Variants in SUMF1 observed in about 807,000 individuals in gnomAD.
SUMF1 encodes the protein sulfatase modifying factor 1.
In SUMF1, 48 loss-of-function variants were observed where a neutral mutation model predicts 47.6. The observed-to-expected ratio is 1.01, with a 90% CI of 0.80 to 1.28. SUMF1 has a LOEUF of 1.28. Ranked by LOEUF, SUMF1 falls within the 50% of genes most tolerant of loss-of-function variation. SUMF1 has a pLI of 0.00. For missense variants in SUMF1, 571 were observed against 485.4 expected, an observed-to-expected ratio of 1.18 and a Z score of -1.66; for synonymous variants, 230 against 192.1, an observed-to-expected ratio of 1.20 and a Z score of -1.63.
At chr3:4,054,742 A>C (rs549069658) in intron 9 of SUMF1, among the ~76,000 whole-genome samples, 88 of 152,294 alleles carry the variant, frequency 5.8e-4, no homozygotes, top group African/African-American at 2.0e-3. Flanking sequence ...GAAACTGATA[A>C]ATAAACAACT....
intron 8 of SUMF1, 86 bp downstream of exon 8, chr3:4,376,244 G>A (rs1700323312): frequency 1.3e-6 from 2 of 1,490,662 alleles, no homozygotes; most frequent in Admixed American, 1.7e-5. Flanking sequence ...AGAAGTGAAT[G>A]AGACATTTGG....
chr3:4,210,605 T>A (rs1348395028), intron 8 of SUMF1, among the ~76,000 whole-genome samples: 1 of 152,156 alleles, frequency 6.6e-6, no homozygotes, highest in Non-Finnish European at 1.5e-5. Flanking sequence ...AATTCCACAA[T>A]GCACAAAAAT....
intron 1 of SUMF1, among the ~76,000 whole-genome samples, chr3:4,460,621 TGTGA>T (rs2079786884): frequency 2.0e-5 from 3 of 148,014 alleles, no homozygotes; most frequent in African/African-American, 7.6e-5. Context: ...TGTGTGTGTG[TGTGA>T]GAGTGTGTGT....
intron 8 of SUMF1, among the ~76,000 whole-genome samples, chr3:4,086,226 A>C (rs1398997267): frequency 2.6e-5 from 4 of 152,000 alleles, no homozygotes; most frequent in African/African-American, 7.3e-5. Flanking sequence ...AAAAAAAAAA[A>C]AAACAGAATT....
chr3:4,160,998 G>A (rs1373275170), intron 8 of SUMF1, among the ~76,000 whole-genome samples: 2 of 152,072 alleles, frequency 1.3e-5, no homozygotes, highest in Non-Finnish European at 2.9e-5. Flanking sequence ...AAAGAAATTG[G>A]GTATTGTGAT....
intron 8 of SUMF1, among the ~76,000 whole-genome samples, chr3:4,094,940 G>A (rs1481197172): frequency 6.6e-6 from 1 of 152,064 alleles, no homozygotes; most frequent in Admixed American, 6.5e-5. Context: ...GCATCTCATG[G>A]AACCAGTGTT....
chr3:4,372,272 G>T (rs1700192509), intron 8 of SUMF1, among the ~76,000 whole-genome samples: 1 of 152,072 alleles, frequency 6.6e-6, no homozygotes, highest in Admixed American at 6.5e-5. Flanking sequence ...CTGCACTCCA[G>T]CCTGGGTCAC....
At chr3:4,376,607 C>T (rs1700338762) in intron 7 of SUMF1, among the ~76,000 whole-genome samples, 2 of 152,230 alleles carry the variant, frequency 1.3e-5, no homozygotes, top group African/African-American at 4.8e-5. Flanking sequence ...CAAGTTTCCA[C>T]TCTTTGGTGA....
At chr3:4,438,636 A>G (rs1205687991) in intron 3 of SUMF1, among the ~76,000 whole-genome samples, 1 of 152,200 alleles carries the variant, frequency 6.6e-6, no homozygotes, top group East Asian at 1.9e-4. Context: ...GCTTAGTAAC[A>G]TAGCTTTAAT....
In SUMF1 at chr3:4,228,854, C is replaced by A. The variant is rs142891093; in HGVS notation, c.1014+147476G>T. ...CTAGATGTCAGGCACCAAGAGGAGCCCCTCCATCCTTTGTCTCATAAACCT... is the reference window on the plus strand; with the variant it reads ...CTAGATGTCAGGCACCAAGAGGAGCACCTCCATCCTTTGTCTCATAAACCT... On this transcript the variant is annotated intron_variant and NMD_transcript_variant, in intron 8 of 12. Coordinates refer to the SUMF1 transcript ENST00000448413. Among the ~76,000 whole-genome samples the A allele has an allele frequency of 3.3e-3, 496 of 152,106 alleles. 2 individuals are homozygous for A. The highest frequency in any genetic ancestry group is 0.011 in the African/African-American group (462 of 41,504).
intron 8 of SUMF1, among the ~76,000 whole-genome samples, chr3:4,281,925 C>T (rs2125046601): frequency 6.6e-6 from 1 of 152,076 alleles, no homozygotes; most frequent in Middle Eastern, 3.4e-3. Context: ...AAAAAGATTT[C>T]AGAAAGAAAG....
At chr3:4,330,515 C>G (rs747820886) in intron 8 of SUMF1, among the ~76,000 whole-genome samples, 1 of 152,144 alleles carries the variant, frequency 6.6e-6, no homozygotes, top group Non-Finnish European at 1.5e-5. Flanking sequence ...TCAGATCTCA[C>G]GAGACTTATT....
At chr3:4,431,469 G>C (rs1276677531) in intron 3 of SUMF1, among the ~76,000 whole-genome samples, 2 of 152,208 alleles carry the variant, frequency 1.3e-5, no homozygotes, top group Non-Finnish European at 2.9e-5. Flanking sequence ...CACTGAGAGA[G>C]AAACCACCCA....
At chr3:4,157,331 T>G (rs749480703) in intron 8 of SUMF1, among the ~76,000 whole-genome samples, 6 of 151,496 alleles carry the variant, frequency 4.0e-5, no homozygotes. Flanking sequence ...TCACTTCATA[T>G]AGTATTAGCC....
At position 4,361,647 on chromosome 3, in the gene SUMF1, GA is replaced by G. The variant is rs886058516; in HGVS notation, c.*496del. The G allele has an allele frequency of 5.9e-5, 10 of 169,052 alleles. No homozygotes were observed. The highest frequency in any genetic ancestry group is 1.3e-4 in the Non-Finnish European group (10 of 78,592). The allele number at this position is 169,052 out of a possible 1,614,324, so 10.5% of individuals were successfully genotyped here. A position where few individuals can be genotyped will look rare whatever the true frequency, so the allele number is the denominator to read the frequency against. ...TAGTATCACTCAAGGTTCACACATG[GA>G]AAAAATAGCTAAAAAATAATCTATA... On this transcript the variant is annotated 3_prime_UTR_variant, in exon 9 of 9. Transcript: ENST00000272902.
At chr3:4,234,626 G>C (rs1030998617) in intron 8 of SUMF1, among the ~76,000 whole-genome samples, 2 of 152,092 alleles carry the variant, frequency 1.3e-5, no homozygotes, top group Non-Finnish European at 2.9e-5. Flanking sequence ...TGCTCCAAAA[G>C]AAGAAGTAAA....
At chr3:4,466,661 G>A (rs2079954820) in intron 1 of SUMF1, among the ~76,000 whole-genome samples, 1 of 152,300 alleles carries the variant, frequency 6.6e-6, no homozygotes, top group Non-Finnish European at 1.5e-5. Context: ...AATAAGAGAG[G>A]AAATGGTGAT....
intron 8 of SUMF1, among the ~76,000 whole-genome samples, chr3:4,093,980 T>C (rs1692844555): frequency 6.6e-6 from 1 of 152,044 alleles, no homozygotes; most frequent in Non-Finnish European, 1.5e-5. Context: ...AGATTCGAAA[T>C]AAGGTACATT....
At chr3:4,369,150 C>G (rs1700089416) in intron 8 of SUMF1, among the ~76,000 whole-genome samples, 1 of 151,836 alleles carries the variant, frequency 6.6e-6, no homozygotes, top group Non-Finnish European at 1.5e-5. Context: ...CTTTAGAGCA[C>G]TTCTACTGTA....
Sources: gnomAD v4.1 joint callset for allele counts (sites outside exome capture counted in the v4.1 genomes callset) on GRCh38, gnomAD v4.1.1 for gene constraint, MANE v1.5 for transcripts, NCBI Gene and HGNC (gene_info 2026-07-23, HGNC 2026-07-21) for gene names.